MCF2L: variants seen among roughly 807,000 people sequenced by gnomAD.
The protein encoded by MCF2L is guanine nucleotide exchange factor DBS.
MCF2L carries 97 observed loss-of-function variants against 153.4 expected under a neutral mutation model. That is an observed-to-expected ratio of 0.63 (90% confidence interval 0.54 to 0.75). The LOEUF is 0.75. Ranked by LOEUF, MCF2L falls within the 30% of genes least tolerant of loss-of-function variation. MCF2L has a pLI of 0.00. For synonymous variants in MCF2L, 659 were observed against 632.2 expected (o/e 1.04, Z -0.64); for missense variants, 1,347 against 1,495.2 (o/e 0.90, Z 1.64).
intron 2 of MCF2L, among the ~76,000 whole-genome samples, chr13:113,023,522 G>A (rs1248025843): frequency 4.6e-5 from 7 of 152,158 alleles, no homozygotes; most frequent in Admixed American, 3.3e-4. Flanking sequence ...TCGCTGTTAC[G>A]AGACAAAGCT....
chr13:112,930,862 A>G (rs532793898), intron 2 of MCF2L, among the ~76,000 whole-genome samples: 2 of 152,254 alleles, frequency 1.3e-5, no homozygotes, highest in African/African-American at 4.8e-5. Flanking sequence ...GCTTGAACCC[A>G]GGAGGCAGGG....
intron 2 of MCF2L, among the ~76,000 whole-genome samples, chr13:112,915,058 G>A (rs185035224): frequency 2.6e-5 from 4 of 152,064 alleles, no homozygotes; most frequent in Admixed American, 6.5e-5. Flanking sequence ...GTTGTATGGT[G>A]TCAAGTATGG....
chr13:112,996,250 A>T (rs768313857), intron 1 of MCF2L, among the ~76,000 whole-genome samples: 1 of 152,178 alleles, frequency 6.6e-6, no homozygotes, highest in Non-Finnish European at 1.5e-5. Flanking sequence ...AGCTCCGGAG[A>T]TCAAGGCTGC....
Position 113,064,707 on chromosome 13 carries a change from C to G in MCF2L, c.607-229C>G, listed in dbSNP as rs933121854. 1 of 598,498 alleles carries G rather than the reference C, an allele frequency of 1.7e-6. No individual in the cohort carries two copies. Among genetic ancestry groups the G allele is most frequent in the Admixed American group, 3.0e-5 (1 of 33,578 alleles). The allele number at this position is 598,498 out of a possible 1,614,324, so 37.1% of individuals were successfully genotyped here. A position where few individuals can be genotyped will look rare whatever the true frequency, so the allele number is the denominator to read the frequency against. Reference sequence around the variant, plus strand: ...CTGCTCTCAACGGGGAGAGGCAGCGCAGGCACAGGCGACTCTAGGTGACGG... The same window carrying G: ...CTGCTCTCAACGGGGAGAGGCAGCGGAGGCACAGGCGACTCTAGGTGACGG... On this transcript the variant is annotated intron_variant, in intron 6 of 29. Coordinates refer to ENST00000535094, the MANE Select transcript of MCF2L (RefSeq NM_001112732.3). The surrounding 1 kb of genome is among the most constrained non-coding windows in gnomAD (Gnocchi z 6.0).
chr13:113,087,206 T>C, intron 21 of MCF2L, 29 bp from the exon 22 acceptor site: 2 of 1,597,110 alleles, frequency 1.3e-6, no homozygotes, highest in South Asian at 2.2e-5. Flanking sequence ...CATCCCGTCC[T>C]GAACACAGCC....
intron 12 of MCF2L, 99 bp from the exon 13 acceptor site, chr13:113,076,953 C>G: frequency 5.4e-6 from 7 of 1,294,598 alleles, no homozygotes; most frequent in Non-Finnish European, 7.5e-6. Context: ...ACATTTAAAG[C>G]GGGGGTTGGG....
intron 1 of MCF2L, among the ~76,000 whole-genome samples, chr13:112,896,245 T>G (rs771212250): frequency 6.6e-6 from 1 of 152,190 alleles, no homozygotes; most frequent in Non-Finnish European, 1.5e-5. Flanking sequence ...ACATCTGTCC[T>G]TCTCTGGAAT....
chr13:113,090,612 C>G (rs1177182983), intron 26 of MCF2L: 22 of 985,324 alleles, frequency 2.2e-5, no homozygotes, highest in Non-Finnish European at 2.4e-5. Context: ...TAATGCCCTG[C>G]TCACCTGCGA....
At chr13:113,012,879 G>A (rs1439089241) in intron 1 of MCF2L, among the ~76,000 whole-genome samples, 5 of 78,442 alleles carry the variant, frequency 6.4e-5, no homozygotes, top group African/African-American at 1.9e-4. Context: ...ACTGAGATGC[G>A]GACGGTGGAC....
At chr13:112,913,745 C>T (rs1409276395) in intron 2 of MCF2L, among the ~76,000 whole-genome samples, 2 of 152,090 alleles carry the variant, frequency 1.3e-5, no homozygotes, top group East Asian at 3.9e-4. Context: ...AGGATTCAGC[C>T]CAACAAATAG....
intron 1 of MCF2L, among the ~76,000 whole-genome samples, chr13:112,896,879 C>T (rs1043290388): frequency 1.3e-5 from 2 of 152,220 alleles, no homozygotes; most frequent in African/African-American, 4.8e-5. Context: ...CAGGGCCCTG[C>T]GTCTTCGGCA....
At chr13:112,919,471 C>T (rs556418024) in intron 2 of MCF2L, among the ~76,000 whole-genome samples, 2 of 152,186 alleles carry the variant, frequency 1.3e-5, no homozygotes, top group South Asian at 4.2e-4. Context: ...TCCCAAAGTG[C>T]TGGGATTACA....
At chr13:112,998,591 G>A (rs144237848) in intron 1 of MCF2L, among the ~76,000 whole-genome samples, 2 of 152,202 alleles carry the variant, frequency 1.3e-5, no homozygotes, top group Non-Finnish European at 2.9e-5. Context: ...GGATGGTCGT[G>A]TGTTCAAAAT....
Position 113,096,423 on chromosome 13 carries a change from C to T in MCF2L, c.3128C>T (p.Ala1043Val). ...VADHEKGGPD[A>V]LRVRSGDVVE... is the part of the protein sequence containing the mutation. ...GACCACGAGAAGGGAGGCCCCGATG[C>T]GCTGCGCGTGAGGAGCGGGGACGTG... is the stretch of plus-strand genomic sequence containing the variant. Residue 1043 changes from alanine to valine, a missense_variant, in exon 28 of 30, where the codon GCG becomes GTG. Coordinates refer to ENST00000535094, the MANE Select transcript of MCF2L (RefSeq NM_001112732.3). The T allele has an allele frequency of 1.3e-6, 2 of 1,596,396 alleles. No homozygotes were observed. Among genetic ancestry groups the T allele is most frequent in the East Asian group, 4.5e-5 (2 of 44,064 alleles).
intron 5 of MCF2L, chr13:113,063,988 C>G: frequency 2.4e-6 from 1 of 414,522 alleles, no homozygotes; most frequent in Non-Finnish European, 4.7e-6. Context: ...CCCCGTGACA[C>G]GTCTGTGGTC....
intron 1 of MCF2L, chr13:113,001,742 G>A: frequency 2.2e-6 from 3 of 1,364,222 alleles, no homozygotes; most frequent in Non-Finnish European, 2.8e-6. Flanking sequence ...GCCCTGGGAG[G>A]AGCAGCCGGC....
intron 2 of MCF2L, among the ~76,000 whole-genome samples, chr13:112,952,942 C>T (rs1320463740): frequency 1.3e-5 from 2 of 152,148 alleles, no homozygotes; most frequent in African/African-American, 2.4e-5. Context: ...ACAAAGCAGG[C>T]GACACTAAAT....
chr13:112,980,029 G>A (rs1054393324), intron 1 of MCF2L, among the ~76,000 whole-genome samples: 2 of 152,224 alleles, frequency 1.3e-5, no homozygotes, highest in Non-Finnish European at 1.5e-5. Context: ...CGATTGGAAA[G>A]ACGAGTGGAC....
intron 2 of MCF2L, chr13:112,910,269 G>A (rs2081217471): frequency 6.6e-6 from 1 of 152,198 alleles, no homozygotes; most frequent in South Asian, 2.1e-4. Flanking sequence ...AACAACTGAT[G>A]TCAGTAAAAG....
Sources: allele counts gnomAD v4.1 joint callset (sites outside exome capture counted in the v4.1 genomes callset), GRCh38; gene constraint gnomAD v4.1.1; non-coding constraint Gnocchi (gnomAD v3.1); transcripts MANE v1.5; gene names NCBI Gene and HGNC (gene_info 2026-07-23, HGNC 2026-07-21).